Variants in UGT1A1 observed in about 807,000 individuals in gnomAD.
The protein encoded by UGT1A1 is UDP glucuronosyltransferase family 1 member A1, also known as UDP-glucuronosyltransferase 1A1.
In UGT1A1, 33 loss-of-function variants were observed where a neutral mutation model predicts 40.6. That is an observed-to-expected ratio of 0.81 (90% CI 0.62 to 1.09). The LOEUF (loss-of-function observed/expected upper bound fraction) is 1.09. Ranked by LOEUF, UGT1A1 falls within the 50% of genes least tolerant of loss-of-function variation. The pLI is 0.00. For missense variants in UGT1A1, 694 were observed against 671.2 expected (o/e 1.03, Z -0.38); for synonymous variants, 249 against 265.0 (o/e 0.94, Z 0.59).
At chr2:233,764,883 A>C (rs1698677013) in intron 1 of UGT1A1, among the ~76,000 whole-genome samples, 1 of 152,176 alleles carries the variant, frequency 6.6e-6, no homozygotes, top group Non-Finnish European at 1.5e-5. Context: ...GGGAAAAGGC[A>C]AAGACAAAGC....
intron 1 of UGT1A1, 98 bp from the exon 2 acceptor site, chr2:233,766,936 A>G: frequency 1.1e-5 from 18 of 1,586,086 alleles, no homozygotes; most frequent in Non-Finnish European, 1.5e-5. Context: ...GCCTTTAATC[A>G]TAGTCTTAAG....
Position 233,766,572 on chromosome 2 carries a change from G to A in UGT1A1, c.865-462G>A, listed in dbSNP as rs1699186765. On this transcript the variant is annotated intron_variant, in intron 1 of 4. Coordinates refer to ENST00000305208, the MANE Select transcript of UGT1A1 (RefSeq NM_000463.3). ...TCCTCACCTAGGTCCATGGGCACAG[G>A]TCTGGGGGTGGAGCCCTCGCCAGGG... Among the ~76,000 whole-genome samples, 3 of 152,322 alleles carry A rather than the reference G, an allele frequency of 2.0e-5. No individual in the cohort carries two copies. In the South Asian group the frequency reaches 6.2e-4, roughly 32 times the overall value.
rs2125985351 is a variant in UGT1A1, at chr2:233,760,521, G to A, written c.234G>A (p.Thr78=). 1.2e-6 allele frequency: 2 copies of A among 1,614,238 alleles called. No individual in the cohort carries two copies. Among genetic ancestry groups the A allele is most frequent in the Non-Finnish European group, 1.7e-6 (2 of 1,180,046 alleles). ...ACGGAGCATTTTACACCTTGAAGACGTACCCTGTGCCATTCCAAAGGGAGG... is the reference window on the plus strand; with the variant it reads ...ACGGAGCATTTTACACCTTGAAGACATACCCTGTGCCATTCCAAAGGGAGG... The part of the protein sequence containing the change: ...IRDGAFYTLK[T]YPVPFQREDV... Residue 78 remains threonine, a synonymous_variant, in exon 1 of 5, where the codon ACG becomes ACA. Coordinates refer to ENST00000305208, the MANE Select transcript of UGT1A1 (RefSeq NM_000463.3).
intron 1 of UGT1A1, among the ~76,000 whole-genome samples, chr2:233,763,949 C>T (rs1698436640): frequency 6.6e-6 from 1 of 152,024 alleles, no homozygotes; most frequent in African/African-American, 2.4e-5. Flanking sequence ...AGCTTGGGAG[C>T]AGGGAAGGTT....
chr2:233,772,895 C>T lies in UGT1A1; in HGVS notation c.*336C>T. 1 of 493,846 alleles carries T rather than the reference C, an allele frequency of 2.0e-6. No homozygotes were observed. The highest frequency in any genetic ancestry group is 3.3e-6 in the Non-Finnish European group (1 of 304,584). 30.6% of individuals were successfully genotyped at this position (493,846 alleles called of 1,614,324 possible). A position where few individuals can be genotyped will look rare whatever the true frequency, so the allele number is the denominator to read the frequency against. ...GGAGTGCGGGATTCAAAGGTGGTCC[C>T]ACGGCTGCCCCTACTGCAAATGGCA... On this transcript the variant is annotated 3_prime_UTR_variant, in exon 5 of 5. Transcript: ENST00000305208.
chr2:233,772,961 T>C lies in UGT1A1; in HGVS notation c.*402T>C, dbSNP rs1575872902. On this transcript the variant is annotated 3_prime_UTR_variant, in exon 5 of 5. Transcript: ENST00000305208. The stretch of plus-strand genomic sequence containing the variant: ...TTTGGCTTCTGCAGATGGTTGCAAT[T>C]GATCCTTAACCAATAATGGTCAGTC... 2 of 315,806 alleles carry C rather than the reference T, an allele frequency of 6.3e-6. No homozygotes were observed. Among genetic ancestry groups the C allele is most frequent in the East Asian group, 1.6e-4 (2 of 12,236 alleles). 19.6% of individuals were successfully genotyped at this position (315,806 alleles called of 1,614,324 possible).
chr2:233,767,747 C>CTG lies in UGT1A1; in HGVS notation c.997-100_997-99dup, dbSNP rs35331289. ...ACTGATCCTCCCACTCTGTTAAAGA[C>CTG]TGTTCCTTCAGAGGACCCCTGTTTT... is the stretch of plus-strand genomic sequence containing the variant. On this transcript the variant is annotated intron_variant, in intron 2 of 4. Coordinates refer to ENST00000305208, the MANE Select transcript of UGT1A1 (RefSeq NM_000463.3). 3.9e-3 allele frequency: 6,206 copies of CTG among 1,591,080 alleles called. 210 individuals are homozygous for CTG. In the African/African-American group the frequency reaches 0.073, roughly 19 times the overall value.
chr2:233,765,938 G>C (rs1244987830), intron 1 of UGT1A1, among the ~76,000 whole-genome samples: 1 of 152,062 alleles, frequency 6.6e-6, no homozygotes, highest in Non-Finnish European at 1.5e-5. Context: ...AGGTTGTGGG[G>C]CTCTGACCTC....
chr2:233,766,514 T>C (rs1164692574), intron 1 of UGT1A1, among the ~76,000 whole-genome samples: 2 of 152,060 alleles, frequency 1.3e-5, no homozygotes, highest in South Asian at 2.1e-4. Flanking sequence ...TTTTGGGAAA[T>C]GAAACATTTA....
chr2:233,768,875 C>T (rs543311550), intron 4 of UGT1A1, among the ~76,000 whole-genome samples: 45 of 152,066 alleles, frequency 3.0e-4, no homozygotes, highest in African/African-American at 8.0e-4. Context: ...TGAGCCAGCG[C>T]GTCTGACCTG....
At position 233,772,297 on chromosome 2, in the gene UGT1A1, A is replaced by G; in HGVS notation, c.1340A>G (p.His447Arg). ...AACATCATGCGCCTCTCCAGCCTTC[A>G]CAAGGACCGCCCGGTGGAGCCGCTG... is the stretch of plus-strand genomic sequence containing the variant. ...KENIMRLSSL[H>R]KDRPVEPLDL... Residue 447 changes from histidine to arginine, a missense_variant, in exon 5 of 5, where the codon CAC becomes CGC. Coordinates refer to ENST00000305208, the MANE Select transcript of UGT1A1 (RefSeq NM_000463.3). The G allele has an allele frequency of 1.2e-6, 2 of 1,614,224 alleles. No homozygotes were observed. The highest frequency in any genetic ancestry group is 1.7e-6 in the Non-Finnish European group (2 of 1,180,032).
Position 233,761,160 on chromosome 2 carries a change from T to C in UGT1A1, c.864+9T>C, listed in dbSNP as rs1333134836. Reference sequence around the variant, plus strand: ...AAAATCCACTATCCCAGGTGTGTATTGGAGTGGGACTTTTACATGCGTATA... The same window carrying C: ...AAAATCCACTATCCCAGGTGTGTATCGGAGTGGGACTTTTACATGCGTATA... On this transcript the variant is annotated intron_variant, in intron 1 of 4. Coordinates refer to ENST00000305208, the MANE Select transcript of UGT1A1 (RefSeq NM_000463.3). 2 of 1,614,242 alleles carry C rather than the reference T, an allele frequency of 1.2e-6. No homozygotes were observed. The highest frequency in any genetic ancestry group is 8.5e-7 in the Non-Finnish European group (1 of 1,180,050).
chr2:233,762,807 C>G (rs1458193268), intron 1 of UGT1A1, among the ~76,000 whole-genome samples: 1 of 151,450 alleles, frequency 6.6e-6, no homozygotes, highest in Non-Finnish European at 1.5e-5. Flanking sequence ...GCTATCTCAT[C>G]AAAATATTGA....
intron 1 of UGT1A1, among the ~76,000 whole-genome samples, chr2:233,761,536 A>G (rs1039884807): frequency 6.6e-6 from 1 of 152,248 alleles, no homozygotes; most frequent in Non-Finnish European, 1.5e-5. Context: ...TGATGAAATC[A>G]TTCTTTGATG....
chr2:233,760,469 C>A lies in UGT1A1; in HGVS notation c.182C>A (p.Ala61Glu), dbSNP rs1273237448. The A allele has an allele frequency of 6.2e-7, 1 of 1,614,210 alleles. No individual in the cohort carries two copies. The highest frequency in any genetic ancestry group is 1.1e-5 in the South Asian group (1 of 91,082). ...QQRGHEIVVL[A>E]PDASLYIRDG... The stretch of plus-strand genomic sequence containing the variant: ...AGGGGACATGAAATAGTTGTCCTAG[C>A]ACCTGACGCCTCGTTGTACATCAGA... Residue 61 changes from alanine (A) to glutamate (E), a missense_variant, in exon 1 of 5, where the codon GCA (alanine) becomes GAA (glutamate). Ala to Glu is a moderately radical substitution (Grantham distance 107). Coordinates refer to ENST00000305208, the MANE Select transcript of UGT1A1 (RefSeq NM_000463.3).
chr2:233,766,838 C>T (rs906628829), intron 1 of UGT1A1, among the ~76,000 whole-genome samples, 196 bp from the exon 2 acceptor site: 1 of 152,156 alleles, frequency 6.6e-6, no homozygotes, highest in Non-Finnish European at 1.5e-5. Flanking sequence ...TAAGCAGGAA[C>T]CCTTCCTCCT....
rs886044683 is a variant in UGT1A1 at position 233,760,424 on chromosome 2, C to T, written c.137C>T (p.Ala46Val). The T allele has an allele frequency of 3.3e-5, 53 of 1,614,062 alleles. No individual in the cohort carries two copies. Among genetic ancestry groups the T allele is most frequent in the Non-Finnish European group, 4.4e-5 (52 of 1,180,038 alleles). The change falls in exon 1 of 5, where the codon GCC (alanine) becomes GTC (valine). Residue 46 changes from alanine (A) to valine (V), a missense_variant. Ala to Val is a moderately conservative substitution (Grantham distance 64). Coordinates refer to ENST00000305208, the MANE Select transcript of UGT1A1 (RefSeq NM_000463.3). ...AGCCACTGGCTGAGCATGCTTGGGG[C>T]CATCCAGCAGCTGCAGCAGAGGGGA... Reference protein sequence around the residue: ...DGSHWLSMLGAIQQLQQRGHE... With the variant: ...DGSHWLSMLGVIQQLQQRGHE...
chr2:233,766,278 C>T (rs4663334), intron 1 of UGT1A1, among the ~76,000 whole-genome samples: 20,562 of 116,134 alleles, frequency 0.18, 1,583 homozygotes, highest in African/African-American at 0.25. Flanking sequence ...CTCGGTGGCC[C>T]GGGCTCGGTG....
At position 233,764,579 on chromosome 2, in the gene UGT1A1, G is replaced by A. The variant is rs530578816; in HGVS notation, c.865-2455G>A. Among the ~76,000 whole-genome samples, 7 of 152,190 alleles carry A rather than the reference G, an allele frequency of 4.6e-5. No individual in the cohort carries two copies. The East Asian group carries it at 1.2e-3, about 25-fold the overall frequency. On this transcript the variant is annotated intron_variant, in intron 1 of 4. Transcript: ENST00000305208. ...TGTGCCTGGAGGAGAACTTAGACTC[G>A]GCCTTTTCCAGATGAGCTTCAGTGT...
Sources: gnomAD v4.1 joint callset for allele counts (sites outside exome capture counted in the v4.1 genomes callset) on GRCh38, gnomAD v4.1.1 for gene constraint, MANE v1.5 for transcripts, NCBI Gene and HGNC (gene_info 2026-07-23, HGNC 2026-07-21) for gene names.